LRGUK: variants seen among roughly 807,000 people sequenced by gnomAD.
LRGUK encodes the protein leucine rich repeats and guanylate kinase domain containing, also known as leucine-rich repeat and guanylate kinase domain-containing protein.
LRGUK carries 65 observed loss-of-function variants against 76.0 expected under a neutral mutation model. The observed-to-expected ratio is 0.85, with a 90% CI of 0.70 to 1.05. LRGUK has a LOEUF of 1.05. Ranked by LOEUF, LRGUK falls within the 50% of genes least tolerant of loss-of-function variation. The probability of loss-of-function intolerance (pLI) is 0.00; values close to 1 mark genes in which losing one functional copy is unlikely to be tolerated. For synonymous variants in LRGUK, 268 were observed against 265.6 expected (o/e 1.01, Z -0.09); for missense variants, 758 against 732.8 (o/e 1.03, Z -0.40).
chr7:134,273,039 A>C, the LRGUK span, among the ~76,000 whole-genome samples: 1 of 152,182 alleles, frequency 6.6e-6, no homozygotes, highest in African/African-American at 2.4e-5. Context: ...TCTATTTGCC[A>C]GAATGCATGC....
In LRGUK at chr7:134,201,596, G is replaced by A. The variant is rs762153657; in HGVS notation, c.1843+20G>A. On this transcript the variant is annotated intron_variant, in intron 15 of 15. Transcript: ENST00000645682. The stretch of plus-strand genomic sequence containing the variant: ...CTGCAGGTACTATTCTATCATTTTT[G>A]TGCCAGGATTTTTTTTTTTTTCATG... The A allele has an allele frequency of 2.5e-6, 4 of 1,571,938 alleles. No homozygotes were observed. In the African/African-American group the frequency reaches 4.1e-5, roughly 16 times the overall value.
chr7:134,131,736 G>A (rs1797315810), intron 1 of LRGUK, among the ~76,000 whole-genome samples: 1 of 152,220 alleles, frequency 6.6e-6, no homozygotes. Context: ...TCCAGGGGGA[G>A]TGAGAAGAGC....
downstream of LRGUK, among the ~76,000 whole-genome samples, chr7:134,267,150 A>G (rs1802870722): frequency 6.6e-6 from 1 of 152,136 alleles, no homozygotes; most frequent in African/African-American, 2.4e-5. Context: ...ATTGAAACAG[A>G]ATGGAAATGA....
At chr7:134,236,191 A>G (rs1457161239) in intron 16 of LRGUK, among the ~76,000 whole-genome samples, 1 of 152,188 alleles carries the variant, frequency 6.6e-6, no homozygotes, top group Non-Finnish European at 1.5e-5. Flanking sequence ...AAGTTGGGAC[A>G]TGGAACTTTT....
At chr7:134,165,495 G>A (rs1407357926) in intron 7 of LRGUK, among the ~76,000 whole-genome samples, 1 of 152,162 alleles carries the variant, frequency 6.6e-6, no homozygotes, top group African/African-American at 2.4e-5. Flanking sequence ...AACATCACGT[G>A]AGCCACAGAT....
chr7:134,230,158 A>G (rs116970713), intron 16 of LRGUK, among the ~76,000 whole-genome samples: 4,643 of 152,264 alleles, frequency 0.03, 102 homozygotes, highest in Middle Eastern at 0.061. Context: ...TCCGAAATAT[A>G]TAAAGAACTC....
chr7:134,168,151 A>G (rs1799072339), intron 7 of LRGUK, among the ~76,000 whole-genome samples: 1 of 152,066 alleles, frequency 6.6e-6, no homozygotes, highest in Non-Finnish European at 1.5e-5. Context: ...TGAGGCCAGG[A>G]GTTTGAGACC....
chr7:134,158,676 T>C (rs1798586765), intron 6 of LRGUK, among the ~76,000 whole-genome samples: 1 of 152,190 alleles, frequency 6.6e-6, no homozygotes, highest in Admixed American at 6.5e-5. Context: ...AAATGAACAA[T>C]TCCAATCAGA....
intron 12 of LRGUK, among the ~76,000 whole-genome samples, chr7:134,196,295 C>G (rs1800484713): frequency 6.6e-6 from 1 of 150,816 alleles, no homozygotes; most frequent in Non-Finnish European, 1.5e-5. Context: ...TTTTTACTTG[C>G]CCCACCCCTC....
chr7:134,182,801 G>A (rs1195101797), intron 10 of LRGUK, among the ~76,000 whole-genome samples: 2 of 152,104 alleles, frequency 1.3e-5, no homozygotes, highest in African/African-American at 4.8e-5. Flanking sequence ...CACTCTTGTT[G>A]CCCAGACTGG....
At chr7:134,136,963 T>C (rs1013900130) in intron 1 of LRGUK, 60 bp from the exon 2 acceptor site, 2 of 1,331,518 alleles carry the variant, frequency 1.5e-6, no homozygotes, top group African/African-American at 1.4e-5. Context: ...TATGACAAGA[T>C]AGATTGTTTC....
chr7:134,246,508 C>T (rs1323626885), intron 16 of LRGUK, among the ~76,000 whole-genome samples: 2 of 152,222 alleles, frequency 1.3e-5, no homozygotes, highest in African/African-American at 2.4e-5. Context: ...ACTATGCTAG[C>T]CCCCAAGGCT....
chr7:134,212,864 C>T (rs991778021), downstream of LRGUK, among the ~76,000 whole-genome samples: 1 of 152,214 alleles, frequency 6.6e-6, no homozygotes, highest in Non-Finnish European at 1.5e-5. Flanking sequence ...GGCCCCACAG[C>T]GTGTTAGGCT....
downstream of LRGUK, among the ~76,000 whole-genome samples, chr7:134,214,346 A>G (rs909462050): frequency 2.6e-5 from 4 of 152,182 alleles, no homozygotes; most frequent in Non-Finnish European, 4.4e-5. Flanking sequence ...TCTGGGGCAC[A>G]GTTTTACAAT....
intron 18 of LRGUK, among the ~76,000 whole-genome samples, chr7:134,252,366 A>AT (rs1464760498): frequency 2.3e-4 from 34 of 149,664 alleles, no homozygotes; most frequent in African/African-American, 6.9e-4. Flanking sequence ...ATTAAATTAA[A>AT]TTAAATTAAA....
intron 7 of LRGUK, among the ~76,000 whole-genome samples, chr7:134,167,575 G>A (rs1283024921): frequency 6.6e-6 from 1 of 152,162 alleles, no homozygotes; most frequent in East Asian, 1.9e-4. Context: ...AGGACTGGCT[G>A]TCAGTGGCCA....
At chr7:134,194,854 C>A (rs1800414148) in intron 12 of LRGUK, among the ~76,000 whole-genome samples, 1 of 152,166 alleles carries the variant, frequency 6.6e-6, no homozygotes, top group Non-Finnish European at 1.5e-5. Flanking sequence ...GTTCACCTTG[C>A]CCGCTGCCTA....
intron 5 of LRGUK, 103 bp from the exon 6 acceptor site, chr7:134,157,932 T>C (rs1162547306): frequency 2.1e-6 from 2 of 934,504 alleles, no homozygotes; most frequent in East Asian, 5.0e-5. Context: ...CGTTCTTTAT[T>C]TAAGCTGTGG....
intron 14 of LRGUK, among the ~76,000 whole-genome samples, chr7:134,200,222 A>G (rs964660807): frequency 6.6e-6 from 1 of 151,018 alleles, no homozygotes; most frequent in African/African-American, 2.4e-5. Flanking sequence ...TTTTTAGTAG[A>G]GACAGGGTTT....
Sources: gnomAD v4.1 joint callset for allele counts (sites outside exome capture counted in the v4.1 genomes callset) on GRCh38, gnomAD v4.1.1 for gene constraint, MANE v1.5 for transcripts, NCBI Gene and HGNC (gene_info 2026-07-23, HGNC 2026-07-21) for gene names.